The following GSG1L2 variants were observed in gnomAD, a reference collection of about 807,000 sequenced individuals.
GSG1L2 encodes the protein germ cell-specific gene 1-like protein 2.
Under a neutral mutation model 9.0 loss-of-function variants are expected in GSG1L2, and 15 were observed. The ratio of observed to expected loss-of-function variants is 1.67; its 90% CI spans 1.12 to 2.57. GSG1L2 has a LOEUF of 2.57. Among genes scored for constraint, GSG1L2 ranks in the 30% most tolerant of loss-of-function variants. The pLI is 0.00. For missense variants in GSG1L2, 286 were observed against 150.3 expected (o/e 1.90, Z -4.72); for synonymous variants, 127 against 57.9 (o/e 2.19, Z -5.41).
At chr17:9,821,358 C>T (rs2066588937) in intron 1 of GSG1L2, among the ~76,000 whole-genome samples, 5 of 152,184 alleles carry the variant, frequency 3.3e-5, no homozygotes. Flanking sequence ...GTCGGGACCA[C>T]CTTTCATTCC....
chr17:9,810,862 C>A, intron 1 of GSG1L2: 1 of 537,070 alleles, frequency 1.9e-6, no homozygotes, highest in Non-Finnish European at 3.3e-6. Context: ...ATCTGAGCAG[C>A]TTTAAGAGCC....
intron 1 of GSG1L2, among the ~76,000 whole-genome samples, chr17:9,811,944 C>A (rs1190356181): frequency 6.6e-6 from 1 of 152,142 alleles, no homozygotes; most frequent in South Asian, 2.1e-4. Context: ...CCCATTGACT[C>A]TTCAAAGGAA....
chr17:9,810,458 C>T, intron 2 of GSG1L2, 113 bp downstream of exon 2: 3 of 661,410 alleles, frequency 4.5e-6, no homozygotes, highest in Non-Finnish European at 8.2e-6. Flanking sequence ...GGCTGGACTT[C>T]ATGGAAAAAT....
chr17:9,810,890 T>G, intron 1 of GSG1L2: 1 of 486,230 alleles, frequency 2.1e-6, no homozygotes, highest in Non-Finnish European at 3.7e-6. Flanking sequence ...TTTCCCTTGG[T>G]TCCTGTTCCC....
intron 1 of GSG1L2, among the ~76,000 whole-genome samples, chr17:9,813,929 A>C (rs1008126089): frequency 6.9e-6 from 1 of 145,148 alleles, no homozygotes; most frequent in Admixed American, 7.2e-5. Flanking sequence ...TGTGAACTGC[A>C]TTCCACAGTT....
intron 4 of GSG1L2, among the ~76,000 whole-genome samples, chr17:9,803,143 G>A (rs924133183): frequency 1.8e-4 from 22 of 124,692 alleles, no homozygotes; most frequent in South Asian, 2.5e-4. Flanking sequence ...CCTCTCTGTC[G>A]CCCAGGCTGG....
intron 4 of GSG1L2, among the ~76,000 whole-genome samples, chr17:9,806,066 AC>A (rs2066515175): frequency 6.6e-6 from 1 of 152,140 alleles, no homozygotes; most frequent in African/African-American, 2.4e-5. Flanking sequence ...CAAAAACTCT[AC>A]CCTTAGAACA....
At chr17:9,804,579 TG>T (rs1186377823) in intron 4 of GSG1L2, 10 of 152,332 alleles carry the variant, frequency 6.6e-5, no homozygotes, top group African/African-American at 1.9e-4. Context: ...GGATATTGGA[TG>T]ATTCCCTTCT....
intron 1 of GSG1L2, among the ~76,000 whole-genome samples, chr17:9,812,933 G>A (rs561076646): frequency 4.6e-5 from 7 of 152,224 alleles, no homozygotes; most frequent in Non-Finnish European, 7.4e-5. Flanking sequence ...AACCTCGCAC[G>A]GCAGAAAGAG....
At chr17:9,815,758 A>G (rs1322623732) in intron 1 of GSG1L2, among the ~76,000 whole-genome samples, 1 of 152,250 alleles carries the variant, frequency 6.6e-6, no homozygotes, top group East Asian at 1.9e-4. Flanking sequence ...CTGTCCTGAT[A>G]CAAGAATATA....
rs1417776297 is a variant in GSG1L2, at chr17:9,809,058, A to G, written c.359-76T>C. The G allele has an allele frequency of 1.6e-5, 11 of 677,226 alleles. No individual in the cohort carries two copies. The Admixed American group carries it at 2.1e-4, about 13-fold the overall frequency. 42.0% of individuals were successfully genotyped at this position (677,226 alleles called of 1,614,324 possible). ...ACTAAAATGTTCAATCCTTTGATTT[A>G]GTTCACTTCTAAACAAAACATGAAA... On this transcript the variant is annotated intron_variant, in intron 2 of 4. Coordinates refer to ENST00000399363, the MANE Select transcript of GSG1L2 (RefSeq NM_001310219.2).
At position 9,802,335 on chromosome 17, in the gene GSG1L2, G is replaced by T. The variant is rs1189387966; in HGVS notation, c.*51C>A. ...CAGAGGCAGGGTGTACATTGTGAGTGTCAGTGCCTGGCTTGTTTGCCTGTG... is the reference window on the plus strand; with the variant it reads ...CAGAGGCAGGGTGTACATTGTGAGTTTCAGTGCCTGGCTTGTTTGCCTGTG... On this transcript the variant is annotated 3_prime_UTR_variant, in exon 5 of 5. Transcript: ENST00000399363. 1.6e-6 allele frequency: 1 copy of T among 612,144 alleles called. No homozygotes were observed. Among genetic ancestry groups the T allele is most frequent in the East Asian group, 2.7e-5 (1 of 36,486 alleles). The allele number at this position is 612,144 out of a possible 1,614,324, so 37.9% of individuals were successfully genotyped here.
rs2066497225 is a variant in GSG1L2 at position 9,801,658 on chromosome 17, C to A, written c.*728G>T. On this transcript the variant is annotated 3_prime_UTR_variant, in exon 5 of 5. Transcript: ENST00000399363. ...CAGCCCACCACTGCCTCCAACAAGACCTGCATGTTTGGTAATGTTTATTTT... is the reference window on the plus strand; with the variant it reads ...CAGCCCACCACTGCCTCCAACAAGAACTGCATGTTTGGTAATGTTTATTTT... Among the ~76,000 whole-genome samples, 2 of 152,162 alleles carry A rather than the reference C, an allele frequency of 1.3e-5. No individual in the cohort carries two copies. Among genetic ancestry groups the A allele is most frequent in the African/African-American group, 4.8e-5 (2 of 41,424 alleles).
intron 1 of GSG1L2, among the ~76,000 whole-genome samples, chr17:9,813,200 T>C (rs968012265): frequency 1.3e-5 from 2 of 152,198 alleles, no homozygotes; most frequent in African/African-American, 2.4e-5. Context: ...GCCATGCCCA[T>C]GCTCGTGAAT....
chr17:9,817,235 C>A (rs1349142872), intron 1 of GSG1L2, among the ~76,000 whole-genome samples: 1 of 152,150 alleles, frequency 6.6e-6, no homozygotes, highest in Non-Finnish European at 1.5e-5. Flanking sequence ...CCACCCCTGC[C>A]GGAATATCCA....
intron 1 of GSG1L2, among the ~76,000 whole-genome samples, chr17:9,816,543 CGT>C (rs889822472): frequency 4.3e-5 from 3 of 69,050 alleles, no homozygotes; most frequent in Admixed American, 1.8e-4. Context: ...TGTGCACGTG[CGT>C]GTGTCTGTGT....
chr17:9,808,304 A>G (rs1034807180), intron 3 of GSG1L2, among the ~76,000 whole-genome samples: 3 of 152,208 alleles, frequency 2.0e-5, no homozygotes, highest in African/African-American at 7.2e-5. Flanking sequence ...AGATCTAAAA[A>G]AAAGGAGTTC....
chr17:9,815,115 C>T (rs970017482), intron 1 of GSG1L2, among the ~76,000 whole-genome samples: 9 of 152,196 alleles, frequency 5.9e-5, no homozygotes, highest in Non-Finnish European at 1.0e-4. Flanking sequence ...TGGCTGGGTG[C>T]GGTGGCTCAC....
intron 1 of GSG1L2, among the ~76,000 whole-genome samples, chr17:9,815,430 A>C (rs941551730): frequency 1.3e-5 from 2 of 152,202 alleles, no homozygotes; most frequent in African/African-American, 2.4e-5. Flanking sequence ...CCTTTCCCAA[A>C]GCACGTTCCA....
Sources: allele counts gnomAD v4.1 joint callset (sites outside exome capture counted in the v4.1 genomes callset), GRCh38; gene constraint gnomAD v4.1.1; transcripts MANE v1.5; gene names NCBI Gene and HGNC (gene_info 2026-07-23, HGNC 2026-07-21).